TRPC4: variants seen among roughly 807,000 people sequenced by gnomAD.
TRPC4 encodes the protein transient receptor potential cation channel subfamily C member 4.
Under a neutral mutation model 99.4 loss-of-function variants are expected in TRPC4, and 49 were observed. That is an observed-to-expected ratio of 0.49 (90% confidence interval 0.39 to 0.63). The LOEUF is 0.63. Among genes scored for constraint, TRPC4 ranks in the 20% least tolerant of loss-of-function variants. The probability of loss-of-function intolerance (pLI) is 0.00; values close to 1 mark genes in which losing one functional copy is unlikely to be tolerated. For missense variants in TRPC4, 898 were observed against 1,152.9 expected, an observed-to-expected ratio of 0.78 and a Z score of 3.20; for synonymous variants, 454 against 425.9, an observed-to-expected ratio of 1.07 and a Z score of -0.81.
intron 4 of TRPC4, among the ~76,000 whole-genome samples, chr13:37,686,342 A>C (rs1443625465): frequency 1.3e-5 from 2 of 152,048 alleles, no homozygotes; most frequent in Middle Eastern, 3.2e-3. Context: ...ATGTATGTGT[A>C]TATATGTGTC....
intron 3 of TRPC4, among the ~76,000 whole-genome samples, chr13:37,713,501 T>C (rs954203138): frequency 6.6e-6 from 1 of 152,166 alleles, no homozygotes; most frequent in East Asian, 1.9e-4. Context: ...GTAGACAGTT[T>C]CTCATTATCT....
At chr13:37,692,546 A>G (rs1953752123) in intron 3 of TRPC4, among the ~76,000 whole-genome samples, 1 of 152,232 alleles carries the variant, frequency 6.6e-6, no homozygotes, top group Non-Finnish European at 1.5e-5. Context: ...TGACATGCTT[A>G]GTGAGACATA....
At chr13:37,655,999 T>C (rs542256939) in intron 6 of TRPC4, among the ~76,000 whole-genome samples, 1 of 152,262 alleles carries the variant, frequency 6.6e-6, no homozygotes, top group African/African-American at 2.4e-5. Context: ...TTGGACATAA[T>C]GCATCTTGTA....
At chr13:37,802,933 T>G (rs1024144272) in intron 1 of TRPC4, among the ~76,000 whole-genome samples, 7 of 152,082 alleles carry the variant, frequency 4.6e-5, no homozygotes, top group African/African-American at 1.7e-4. Context: ...AATTATTACT[T>G]TGATTTCTTA....
At chr13:37,818,035 T>C (rs1203425069) in intron 1 of TRPC4, among the ~76,000 whole-genome samples, 2 of 151,766 alleles carry the variant, frequency 1.3e-5, no homozygotes, top group African/African-American at 4.8e-5. Context: ...AATGGACAAA[T>C]GGGACCTAAT....
At chr13:37,645,366 T>TG (rs1477270514) in intron 8 of TRPC4, among the ~76,000 whole-genome samples, 4 of 152,168 alleles carry the variant, frequency 2.6e-5, no homozygotes, top group Non-Finnish European at 2.9e-5. Context: ...GAGAGGTCTC[T>TG]GGAGAGTGAG....
At chr13:37,851,541 C>T (rs1194055047) in intron 1 of TRPC4, among the ~76,000 whole-genome samples, 1 of 152,138 alleles carries the variant, frequency 6.6e-6, no homozygotes, top group South Asian at 2.1e-4. Flanking sequence ...ATTTCAATAA[C>T]TGAAATTATT....
intron 2 of TRPC4, among the ~76,000 whole-genome samples, chr13:37,748,043 C>T (rs542971528): frequency 4.6e-5 from 7 of 152,130 alleles, no homozygotes; most frequent in South Asian, 4.1e-4. Flanking sequence ...AATTTACGTC[C>T]CAGGTGAGAT....
Position 37,857,799 on chromosome 13 carries a change from A to G in TRPC4, c.-28+11796T>C, listed in dbSNP as rs548472456. Among the ~76,000 whole-genome samples the G allele has an allele frequency of 2.6e-5, 4 of 151,938 alleles. No individual in the cohort carries two copies. The South Asian group carries it at 8.3e-4, about 32-fold the overall frequency. ...TTAAAAATTTAAATCTGAGACCTCA[A>G]ACTATAAAACCACTGCAAGAAAACT... On this transcript the variant is annotated intron_variant, in intron 1 of 10. Transcript: ENST00000379705.
In TRPC4 at chr13:37,634,053, C is replaced by T. The variant is rs896339927; in HGVS notation, c.*2850G>A. On this transcript the variant is annotated 3_prime_UTR_variant, in exon 11 of 11. Coordinates refer to ENST00000379705, the MANE Select transcript of TRPC4 (RefSeq NM_016179.4). ...ACTGAATTTTCAACACACTCCTTCA[C>T]CTAACTCAGACACAAAATTTAAGAA... is the stretch of plus-strand genomic sequence containing the variant. Among the ~76,000 whole-genome samples, 6 of 151,976 alleles carry T rather than the reference C, an allele frequency of 3.9e-5. No homozygotes were observed. The highest frequency in any genetic ancestry group is 1.4e-4 in the African/African-American group (6 of 41,390).
intron 4 of TRPC4, among the ~76,000 whole-genome samples, chr13:37,687,352 C>T (rs764752690): frequency 1.5e-4 from 23 of 152,154 alleles, no homozygotes; most frequent in Admixed American, 8.5e-4. Flanking sequence ...GGAAATTTTA[C>T]AGATGTCCAT....
intron 1 of TRPC4, among the ~76,000 whole-genome samples, chr13:37,814,361 A>G (rs1234017670): frequency 6.6e-6 from 1 of 151,872 alleles, no homozygotes; most frequent in East Asian, 1.9e-4. Context: ...GTATCAAAGT[A>G]GAAAAGAAAT....
chr13:37,863,538 T>C (rs935186978), intron 1 of TRPC4, among the ~76,000 whole-genome samples: 1 of 151,586 alleles, frequency 6.6e-6, no homozygotes, highest in Non-Finnish European at 1.5e-5. Context: ...ACTCTGCTTG[T>C]CAAACTGCAA....
In TRPC4 at chr13:37,637,563, T is replaced by C. The variant is rs773477061; in HGVS notation, c.2274A>G (p.Lys758=). The C allele has an allele frequency of 2.5e-6, 4 of 1,612,550 alleles. No individual in the cohort carries two copies. In the Admixed American group the frequency reaches 5.0e-5, roughly 20 times the overall value. Residue 758 remains lysine, a synonymous_variant, in exon 11 of 11, where the codon AAA becomes AAG. Transcript: ENST00000379705. Reference sequence around the variant, plus strand: ...CATTCGCAGATTGTATTGTGGAAAGTTTGCTTCCTCTTAGTAATCCCAGGA... The same window carrying C: ...CATTCGCAGATTGTATTGTGGAAAGCTTGCTTCCTCTTAGTAATCCCAGGA... ...FEVLGLLRGS[K]LSTIQSANAS...
At chr13:37,853,343 A>G (rs1289722252) in intron 1 of TRPC4, among the ~76,000 whole-genome samples, 2 of 152,220 alleles carry the variant, frequency 1.3e-5, no homozygotes, top group African/African-American at 4.8e-5. Context: ...TACAGATCTT[A>G]TTAAAGACCA....
chr13:37,724,186 A>G (rs1954962164), intron 3 of TRPC4, among the ~76,000 whole-genome samples: 1 of 152,190 alleles, frequency 6.6e-6, no homozygotes, highest in Admixed American at 6.5e-5. Context: ...AAAATAAATA[A>G]CACAGCCATA....
intron 3 of TRPC4, among the ~76,000 whole-genome samples, chr13:37,702,652 C>T (rs920987756): frequency 1.3e-5 from 2 of 151,934 alleles, no homozygotes; most frequent in African/African-American, 4.8e-5. Flanking sequence ...CTTATTTTGT[C>T]ACAAGGATTG....
chr13:37,695,986 T>G (rs1032286967), intron 3 of TRPC4, among the ~76,000 whole-genome samples: 1 of 152,170 alleles, frequency 6.6e-6, no homozygotes, highest in African/African-American at 2.4e-5. Context: ...TACATTGTAT[T>G]AGTCAGTTTT....
intron 5 of TRPC4, among the ~76,000 whole-genome samples, chr13:37,673,470 ATT>A (rs5802892): frequency 0.013 from 1,908 of 148,990 alleles, 39 homozygotes; most frequent in African/African-American, 0.041. Context: ...GATATTCTTT[ATT>A]TTTTTTTTTT....
Sources: gnomAD v4.1 joint callset for allele counts (sites outside exome capture counted in the v4.1 genomes callset) on GRCh38, gnomAD v4.1.1 for gene constraint, MANE v1.5 for transcripts, NCBI Gene and HGNC (gene_info 2026-07-23, HGNC 2026-07-21) for gene names.